Variants in RRN3 observed in about 807,000 individuals in gnomAD.
RRN3 encodes RNA polymerase I transcription factor RRN3, also known as RNA polymerase I-specific transcription initiation factor RRN3.
A neutral mutation model predicts 82.3 loss-of-function variants in RRN3; 38 were observed. The observed-to-expected ratio is 0.46, with a 90% confidence interval of 0.36 to 0.61. The LOEUF is 0.61. Ranked by LOEUF, RRN3 falls within the 20% of genes least tolerant of loss-of-function variation. RRN3 has a pLI of 0.00. For synonymous variants in RRN3, 284 were observed against 284.3 expected (o/e 1.00, Z 0.01); for missense variants, 726 against 793.1 (o/e 0.92, Z 1.02).
chr16:15,080,165 C>T (rs1466056452), intron 8 of RRN3, 69 bp from the exon 9 acceptor site: 3 of 1,499,302 alleles, frequency 2.0e-6, no homozygotes, highest in Non-Finnish European at 1.8e-6. Flanking sequence ...GTAAGCAAAA[C>T]ATCAATTACA....
intron 10 of RRN3, among the ~76,000 whole-genome samples, chr16:15,075,251 A>AT (rs1330254240): frequency 7.5e-6 from 1 of 133,222 alleles, no homozygotes; most frequent in Non-Finnish European, 1.6e-5. Flanking sequence ...GTGCCCCACC[A>AT]AAAAAAAAAA....
chr16:15,066,898 T>C (rs1438764030), intron 15 of RRN3, among the ~76,000 whole-genome samples: 1 of 152,046 alleles, frequency 6.6e-6, no homozygotes, highest in African/African-American at 2.4e-5. Context: ...GTGCCTCCAA[T>C]GCGCATGCCA....
chr16:15,089,027 G>C (rs947769535), intron 3 of RRN3, among the ~76,000 whole-genome samples: 9 of 152,204 alleles, frequency 5.9e-5, no homozygotes, highest in African/African-American at 2.2e-4. Flanking sequence ...TCTAGGCCGG[G>C]TGGAGTGGCT....
At chr16:15,068,549 T>C (rs909567294) in intron 14 of RRN3, among the ~76,000 whole-genome samples, 4 of 152,148 alleles carry the variant, frequency 2.6e-5, no homozygotes, top group Non-Finnish European at 4.4e-5. Flanking sequence ...AATGTGAAAT[T>C]CATATGTTTG....
Position 15,079,596 on chromosome 16 carries a change from CTTTT to C in RRN3, c.765+398_765+401del, listed in dbSNP as rs35328128. Among the ~76,000 whole-genome samples the C allele has an allele frequency of 2.1e-5, 3 of 143,042 alleles. No homozygotes were observed. The South Asian group carries it at 6.6e-4, about 32-fold the overall frequency. The allele number at this position is 143,042 out of a possible 152,430, so 93.8% of individuals were successfully genotyped here. A position where few individuals can be genotyped will look rare whatever the true frequency, so the allele number is the denominator to read the frequency against. On this transcript the variant is annotated intron_variant, in intron 9 of 17. Transcript: ENST00000198767. ...AAGAATGGTGCTAGTGGTTTCTTTT[CTTTT>C]TTTTTTTTTTGAGATGGAGTCTCGC...
At chr16:15,085,757 T>C (rs992233428) in intron 5 of RRN3, 59 bp from the exon 6 acceptor site, 303 of 1,604,610 alleles carry the variant, frequency 1.9e-4, no homozygotes, top group Middle Eastern at 8.9e-4. Flanking sequence ...TGAATGGCTA[T>C]ACAAAAAAAG....
chr16:15,093,215 G>A (rs2046210617), intron 1 of RRN3, among the ~76,000 whole-genome samples: 1 of 152,162 alleles, frequency 6.6e-6, no homozygotes. Flanking sequence ...CGTTGGCCAG[G>A]CTGGTCTCCA....
intron 16 of RRN3, among the ~76,000 whole-genome samples, chr16:15,064,357 TAA>T (rs2044862646): frequency 1.3e-5 from 2 of 152,148 alleles, no homozygotes; most frequent in Admixed American, 1.3e-4. Flanking sequence ...GTATTTTTAG[TAA>T]AGACAGCGTT....
At chr16:15,071,387 T>A (rs1235308350) in intron 12 of RRN3, 136 bp from the exon 13 acceptor site, 5 of 825,522 alleles carry the variant, frequency 6.1e-6, no homozygotes, top group African/African-American at 3.5e-5. Context: ...GCTTCATTTT[T>A]AAAACACATT....
Position 15,061,759 on chromosome 16 carries a change from T to A in RRN3, c.1941A>T (p.Gln647His), listed in dbSNP as rs373952813. ...ATTTCTGCCGTCAGAGGGGACTGGG[T>A]TGCATGTACAACACGGGTGGGGAGC... ...SVGSPPVLYM[Q>H]PSPL The change falls in exon 18 of 18, where the codon CAA (glutamine) becomes CAT (histidine). Residue 647 changes from glutamine (Q) to histidine (H), a missense_variant. Physicochemically the swap from Gln to His is conservative, Grantham distance 24. Coordinates refer to ENST00000198767, the MANE Select transcript of RRN3 (RefSeq NM_018427.5). 5.0e-6 allele frequency: 8 copies of A among 1,612,782 alleles called. No homozygotes were observed. The African/African-American group carries it at 9.3e-5, about 19-fold the overall frequency.
intron 17 of RRN3, 75 bp downstream of exon 17, chr16:15,063,121 G>A (rs1176694507): frequency 3.5e-5 from 40 of 1,142,140 alleles, no homozygotes; most frequent in Non-Finnish European, 5.1e-5. Flanking sequence ...CGAACGACTT[G>A]CCACTTACTA....
At chr16:15,090,092 C>A (rs2046072503) in intron 3 of RRN3, among the ~76,000 whole-genome samples, 1 of 151,950 alleles carries the variant, frequency 6.6e-6, no homozygotes, top group South Asian at 2.1e-4. Context: ...TGCCTGTAAT[C>A]TCAGCTATTT....
chr16:15,092,476 C>T, intron 2 of RRN3, 33 bp downstream of exon 2: 1 of 1,459,552 alleles, frequency 6.9e-7, no homozygotes, highest in Non-Finnish European at 9.6e-7. Flanking sequence ...CTGACCTAAC[C>T]AAAAGCAAAC....
chr16:15,069,447 C>T (rs1461087050), intron 14 of RRN3, among the ~76,000 whole-genome samples: 1 of 152,204 alleles, frequency 6.6e-6, no homozygotes, highest in Non-Finnish European at 1.5e-5. Flanking sequence ...CTTGGAGACT[C>T]TCTTCAACTA....
At position 15,061,905 on chromosome 16, in the gene RRN3, C is replaced by T; in HGVS notation, c.1795G>A (p.Asp599Asn). The change falls in exon 18 of 18, where the codon GAC (aspartate) becomes AAC (asparagine). Residue 599 changes from aspartate to asparagine, a missense_variant and splice_region_variant. Coordinates refer to ENST00000198767, the MANE Select transcript of RRN3 (RefSeq NM_018427.5). ...TCATCATCTTCATCTTCCACTATGTCCTGCAGAAACATCAGAAATCATCAG... is the reference window on the plus strand; with the variant it reads ...TCATCATCTTCATCTTCCACTATGTTCTGCAGAAACATCAGAAATCATCAG... ...LQEFKKPMKK[D>N]IVEDEDDDFL... 6.2e-7 allele frequency: 1 copy of T among 1,607,886 alleles called. No individual in the cohort carries two copies. Among genetic ancestry groups the T allele is most frequent in the Non-Finnish European group, 8.5e-7 (1 of 1,174,612 alleles).
intron 10 of RRN3, 75 bp downstream of exon 10, chr16:15,076,483 C>G: frequency 1.0e-6 from 1 of 1,004,416 alleles, no homozygotes. Flanking sequence ...AAAGCCTTAA[C>G]AAAGATGAGC....
chr16:15,089,905 C>A (rs1235694007), intron 3 of RRN3, among the ~76,000 whole-genome samples: 2 of 149,702 alleles, frequency 1.3e-5, no homozygotes, highest in Admixed American at 1.3e-4. Flanking sequence ...GAATACAAGG[C>A]TTAAAAAAGT....
chr16:15,090,646 T>C (rs979373446), intron 3 of RRN3, among the ~76,000 whole-genome samples: 1 of 152,176 alleles, frequency 6.6e-6, no homozygotes, highest in Non-Finnish European at 1.5e-5. Context: ...TTTCTTGGTT[T>C]CACACAGTGG....
chr16:15,078,868 G>A (rs1268276878), intron 9 of RRN3, among the ~76,000 whole-genome samples: 1 of 147,842 alleles, frequency 6.8e-6, no homozygotes, highest in African/African-American at 2.5e-5. Flanking sequence ...CTGGAGCGGA[G>A]TGGCGCAATC....
Sources: allele counts gnomAD v4.1 joint callset (sites outside exome capture counted in the v4.1 genomes callset), GRCh38; gene constraint gnomAD v4.1.1; transcripts MANE v1.5; gene names NCBI Gene and HGNC (gene_info 2026-07-23, HGNC 2026-07-21).